The following KCNQ1 variants were observed in gnomAD, a reference collection of about 807,000 sequenced individuals.
The protein encoded by KCNQ1 is potassium voltage-gated channel subfamily Q member 1.
Under a neutral mutation model 72.4 loss-of-function variants are expected in KCNQ1, and 49 were observed. The observed-to-expected ratio is 0.68, with a 90% CI of 0.54 to 0.86. The LOEUF (loss-of-function observed/expected upper bound fraction) is 0.86, where lower values mean the gene tolerates loss of function less well. KCNQ1 is among the 40% of genes least tolerant of loss of function. The pLI is 0.00. For missense variants in KCNQ1, 790 were observed against 945.1 expected, an observed-to-expected ratio of 0.84 and a Z score of 2.15; for synonymous variants, 450 against 412.6, an observed-to-expected ratio of 1.09 and a Z score of -1.10.
chr11:2,697,504 C>CT, intron 11 of KCNQ1: 2 of 398,578 alleles, frequency 5.0e-6, no homozygotes, highest in Non-Finnish European at 8.8e-6. Flanking sequence ...TGGTTTATAA[C>CT]TTGTATCAAG....
rs1335451940 is a variant in KCNQ1, at chr11:2,463,723, G to C, written c.386+18239G>C. 6.6e-6 allele frequency among the ~76,000 whole-genome samples: 1 copy of C among 152,238 alleles called. No individual in the cohort carries two copies. Among genetic ancestry groups the C allele is most frequent in the Non-Finnish European group, 1.5e-5 (1 of 68,024 alleles). ...GTGCCCAGGCCGAGATGTGAACCCT[G>C]AGTTTGTGCAACTCGAGTTTCAGAG... On this transcript the variant is annotated intron_variant, in intron 1 of 15. Coordinates refer to ENST00000155840, the MANE Select transcript of KCNQ1 (RefSeq NM_000218.3). The surrounding 1 kb of genome is among the most constrained non-coding windows in gnomAD (Gnocchi z 7.0).
intron 1 of KCNQ1, among the ~76,000 whole-genome samples, chr11:2,519,694 CTGT>C (rs1847347778): frequency 6.6e-6 from 1 of 152,130 alleles, no homozygotes. Flanking sequence ...ATACCTAATT[CTGT>C]TGTTTAAGAA....
In KCNQ1 at chr11:2,671,745, C is replaced by G; in HGVS notation, c.1514+9664C>G. On this transcript the variant is annotated intron_variant, in intron 11 of 15. Coordinates refer to ENST00000155840, the MANE Select transcript of KCNQ1 (RefSeq NM_000218.3). The surrounding 1 kb of genome is among the most constrained non-coding windows in gnomAD (Gnocchi z 4.7). ...GCAAGGCTTTTCAGAGAACAAGGAG[C>G]TACATACACATACATGCATGCACAT... is the stretch of plus-strand genomic sequence containing the variant. 1 of 398,558 alleles carries G rather than the reference C, an allele frequency of 2.5e-6. No homozygotes were observed. The allele number at this position is 398,558 out of a possible 1,614,324, so 24.7% of individuals were successfully genotyped here. A position where few individuals can be genotyped will look rare whatever the true frequency, so the allele number is the denominator to read the frequency against.
chr11:2,578,044 G>C (rs1011206154), intron 6 of KCNQ1, among the ~76,000 whole-genome samples: 4 of 152,238 alleles, frequency 2.6e-5, no homozygotes, highest in South Asian at 4.1e-4. Flanking sequence ...GAGCCCACCA[G>C]CTAGCAGAGG....
rs1269638427 is a variant in KCNQ1 at position 2,650,923 on chromosome 11, C to G, written c.1394-11038C>G. ...TTTTTCTCCAAGCCTGGCTGAAAGT[C>G]TTTTTTAAATTATCCTTTTTTCTTA... On this transcript the variant is annotated intron_variant, in intron 10 of 15. Coordinates refer to ENST00000155840, the MANE Select transcript of KCNQ1 (RefSeq NM_000218.3). 14 of 398,492 alleles carry G rather than the reference C, an allele frequency of 3.5e-5. No homozygotes were observed. The Admixed American group carries it at 6.2e-4, about 18-fold the overall frequency. 24.7% of individuals were successfully genotyped at this position (398,492 alleles called of 1,614,324 possible).
In KCNQ1 at chr11:2,741,585, G is replaced by C. The variant is rs908214969; in HGVS notation, c.1515-27259G>C. Among the ~76,000 whole-genome samples the C allele has an allele frequency of 2.0e-5, 3 of 152,252 alleles. No homozygotes were observed. In the South Asian group the frequency reaches 6.2e-4, roughly 32 times the overall value. ...GCTCACCCTCTTCCAACCCAGGCCT[G>C]AGCTCTGTTCGGGTCTCTATCCTCC... On this transcript the variant is annotated intron_variant, in intron 11 of 15. Transcript: ENST00000155840.
rs148631742 is a variant in KCNQ1 at position 2,784,138 on chromosome 11, C to G, written c.1794+6101C>G. On this transcript the variant is annotated intron_variant, in intron 15 of 15. Transcript: ENST00000155840. This position sits in a 1 kb window ranked among gnomAD's most constrained non-coding sequence, Gnocchi z 4.7. Reference sequence around the variant, plus strand: ...TTCTAGAAGTTGTATAGAATTAGCTCTTACATTTCGGTCTATATTTACTTT... The same window carrying G: ...TTCTAGAAGTTGTATAGAATTAGCTGTTACATTTCGGTCTATATTTACTTT... Among the ~76,000 whole-genome samples, 260 of 151,894 alleles carry G rather than the reference C, an allele frequency of 1.7e-3. 1 individual carries two copies. Among genetic ancestry groups the G allele is most frequent in the South Asian group, 0.014 (68 of 4,826 alleles).
At position 2,625,557 on chromosome 11, in the gene KCNQ1, C is replaced by T. The variant is rs7103309; in HGVS notation, c.1394-36404C>T. 350,581 of 397,046 alleles carry T rather than the reference C, an allele frequency of 0.88. 155,594 individuals carry two copies. The highest frequency in any genetic ancestry group is 0.99 in the East Asian group (27,787 of 27,996). The allele number at this position is 397,046 out of a possible 1,614,324, so 24.6% of individuals were successfully genotyped here. On this transcript the variant is annotated intron_variant, in intron 10 of 15. Transcript: ENST00000155840. The stretch of plus-strand genomic sequence containing the variant: ...CATTTGTATATCTTCTTTGGAGATA[C>T]GTCTGTCCAAGTCCTTTGCCCTTTT...
chr11:2,800,812 C>T (rs562105936), intron 15 of KCNQ1, among the ~76,000 whole-genome samples: 2 of 152,320 alleles, frequency 1.3e-5, no homozygotes, highest in East Asian at 3.9e-4. Flanking sequence ...ACTCAGTGAC[C>T]ATCTGCCGTC....
chr11:2,688,960 TGA>T (rs1334949176), intron 11 of KCNQ1: 3 of 398,660 alleles, frequency 7.5e-6, no homozygotes, highest in African/African-American at 6.2e-5. Context: ...CCTAGGGCTC[TGA>T]GAGTAGGGGT....
At chr11:2,737,555 A>G (rs970845766) in intron 11 of KCNQ1, among the ~76,000 whole-genome samples, 1 of 152,248 alleles carries the variant, frequency 6.6e-6, no homozygotes, top group Non-Finnish European at 1.5e-5. Flanking sequence ...CAGAAGTGCT[A>G]CTTGAAAATA....
intron 11 of KCNQ1, chr11:2,699,504 AGGAGCCCCCAGGAGAG>A (rs1235911747): frequency 5.7e-6 from 1 of 175,876 alleles, no homozygotes; most frequent in Non-Finnish European, 9.0e-6. Context: ...TGCCGCGCTG[AGGAGCCCCCAGGAGAG>A]TGCCGCGCTG....
rs539744696 is a variant in KCNQ1, at chr11:2,566,393, G to A, written c.478-4235G>A. On this transcript the variant is annotated intron_variant, in intron 2 of 15. Transcript: ENST00000155840. The surrounding 1 kb of genome is among the most constrained non-coding windows in gnomAD (Gnocchi z 6.7). ...CACCTGTACCTTGTCCCGGGGCGGG[G>A]CTCTCTCTGCCATGGACGCCAGTCT... is the stretch of plus-strand genomic sequence containing the variant. Among the ~76,000 whole-genome samples, 7 of 152,294 alleles carry A rather than the reference G, an allele frequency of 4.6e-5. No individual in the cohort carries two copies. Among genetic ancestry groups the A allele is most frequent in the African/African-American group, 1.7e-4 (7 of 41,560 alleles).
chr11:2,679,329 C>G lies in KCNQ1; in HGVS notation c.1514+17248C>G. 2.5e-6 allele frequency: 1 copy of G among 398,624 alleles called. No homozygotes were observed. Among genetic ancestry groups the G allele is most frequent in the Non-Finnish European group, 4.4e-6 (1 of 226,062 alleles). 24.7% of individuals were successfully genotyped at this position (398,624 alleles called of 1,614,324 possible). On this transcript the variant is annotated intron_variant, in intron 11 of 15. Coordinates refer to ENST00000155840, the MANE Select transcript of KCNQ1 (RefSeq NM_000218.3). The surrounding 1 kb of genome is among the most constrained non-coding windows in gnomAD (Gnocchi z 4.8). Reference sequence around the variant, plus strand: ...AGGGTCTGGAGTCTGAACTCATATCCTAATTCCACTACTTTCTACCTGCTA... The same window carrying G: ...AGGGTCTGGAGTCTGAACTCATATCGTAATTCCACTACTTTCTACCTGCTA...
intron 11 of KCNQ1, chr11:2,666,230 C>A (rs1484073339): frequency 2.5e-5 from 10 of 398,480 alleles, no homozygotes; most frequent in Non-Finnish European, 3.5e-5. Context: ...GCACCCGGCC[C>A]ATTGAGATGG....
intron 15 of KCNQ1, among the ~76,000 whole-genome samples, chr11:2,829,870 A>G (rs1426495305): frequency 7.0e-6 from 1 of 142,346 alleles, no homozygotes; most frequent in African/African-American, 2.5e-5. Flanking sequence ...TTTCTCACTA[A>G]GGGTAAGAAA....
Position 2,816,036 on chromosome 11 carries a change from G to A in KCNQ1, c.1795-31731G>A, listed in dbSNP as rs1010563515. Among the ~76,000 whole-genome samples, 5 of 152,212 alleles carry A rather than the reference G, an allele frequency of 3.3e-5. No homozygotes were observed. The highest frequency in any genetic ancestry group is 2.4e-5 in the African/African-American group (1 of 41,456). ...GCACACAGTCCTGGGTGAGGGCTCC[G>A]TTAGATGAATGTGGACGGCTGGCGG... On this transcript the variant is annotated intron_variant, in intron 15 of 15. Transcript: ENST00000155840. This position sits in a 1 kb window ranked among gnomAD's most constrained non-coding sequence, Gnocchi z 6.8.
At chr11:2,736,225 C>T (rs1033626853) in intron 11 of KCNQ1, among the ~76,000 whole-genome samples, 6 of 152,180 alleles carry the variant, frequency 3.9e-5, no homozygotes, top group Non-Finnish European at 7.3e-5. Context: ...ACCAGCAGTC[C>T]AGGGGATTAG....
chr11:2,846,112 C>T (rs558642070), intron 15 of KCNQ1, among the ~76,000 whole-genome samples: 1 of 152,258 alleles, frequency 6.6e-6, no homozygotes, highest in African/African-American at 2.4e-5. Context: ...CAAGCCTATC[C>T]GGCTGGATCA....
Sources: gnomAD v4.1 joint callset for allele counts (sites outside exome capture counted in the v4.1 genomes callset) on GRCh38, gnomAD v4.1.1 for gene constraint, Gnocchi (gnomAD v3.1) non-coding constraint, MANE v1.5 for transcripts, NCBI Gene and HGNC (gene_info 2026-07-23, HGNC 2026-07-21) for gene names.